The following NRG1 variants were observed in gnomAD, a reference collection of about 807,000 sequenced individuals.
NRG1 encodes the protein pro-neuregulin-1, membrane-bound isoform.
NRG1 carries 18 observed loss-of-function variants against 63.8 expected under a neutral mutation model. The observed-to-expected ratio is 0.28, with a 90% CI of 0.19 to 0.42. The LOEUF is 0.42. Ranked by LOEUF, NRG1 falls within the 10% of genes least tolerant of loss-of-function variation. The probability of loss-of-function intolerance (pLI) is 1.00; values close to 1 mark genes in which losing one functional copy is unlikely to be tolerated. For missense variants in NRG1, 762 were observed against 814.7 expected (o/e 0.94, Z 0.79); for synonymous variants, 302 against 301.3 (o/e 1.00, Z -0.02).
intron 1 of NRG1, among the ~76,000 whole-genome samples, chr8:32,559,237 C>G (rs1458027296): frequency 3.2e-5 from 1 of 31,502 alleles, no homozygotes; most frequent in Non-Finnish European, 7.4e-5. Context: ...TCATCTCACT[C>G]TAAAATGTAA....
chr8:32,021,218 T>C (rs901651750), intron 1 of NRG1, among the ~76,000 whole-genome samples: 1 of 152,162 alleles, frequency 6.6e-6, no homozygotes, highest in African/African-American at 2.4e-5. Flanking sequence ...ACTGAGTAAT[T>C]TGTAAGAAAA....
chr8:32,079,859 G>A (rs1292004085), intron 1 of NRG1, among the ~76,000 whole-genome samples: 1 of 152,046 alleles, frequency 6.6e-6, no homozygotes, highest in Non-Finnish European at 1.5e-5. Flanking sequence ...TGTGTCTGTG[G>A]TCATTCTTAA....
intron 1 of NRG1, among the ~76,000 whole-genome samples, chr8:31,715,643 T>A (rs1239279084): frequency 1.3e-5 from 2 of 152,216 alleles, no homozygotes; most frequent in Non-Finnish European, 2.9e-5. Context: ...ATCATTATTA[T>A]AACCAGTTGG....
intron 1 of NRG1, among the ~76,000 whole-genome samples, chr8:31,884,429 G>T (rs1830570044): frequency 6.6e-6 from 1 of 152,028 alleles, no homozygotes; most frequent in African/African-American, 2.4e-5. Flanking sequence ...GGGTCAACTG[G>T]CCATGCAGCC....
intron 1 of NRG1, among the ~76,000 whole-genome samples, chr8:31,958,884 A>G (rs1038407010): frequency 2.0e-5 from 3 of 152,146 alleles, no homozygotes; most frequent in Non-Finnish European, 4.4e-5. Context: ...TGGATTTGTC[A>G]TGATTGTGAG....
intron 1 of NRG1, among the ~76,000 whole-genome samples, chr8:32,450,657 C>A (rs1258463895): frequency 6.6e-6 from 1 of 152,064 alleles, no homozygotes; most frequent in African/African-American, 2.4e-5. Flanking sequence ...CTCAAATGAT[C>A]CTCCTGCTTC....
chr8:32,136,636 A>G (rs1835565310), intron 1 of NRG1: 1 of 152,144 alleles, frequency 6.6e-6, no homozygotes, highest in Non-Finnish European at 1.5e-5. Context: ...TTTAATAAGA[A>G]TGCCTTAACA....
chr8:32,758,639 G>T (rs1589630667), intron 9 of NRG1, among the ~76,000 whole-genome samples: 1 of 140,996 alleles, frequency 7.1e-6, no homozygotes, highest in African/African-American at 2.7e-5. Flanking sequence ...AGAGAGAAAA[G>T]TAGAATCTAC....
At chr8:31,796,376 A>G (rs1821212834) in intron 1 of NRG1, among the ~76,000 whole-genome samples, 2 of 128,434 alleles carry the variant, frequency 1.6e-5, no homozygotes, top group South Asian at 5.3e-4. Flanking sequence ...TTTTCTTTTG[A>G]TATCAGCAAC....
rs369425806 is a variant in NRG1, at chr8:32,211,657, A to G, written c.38-384171A>G. 3.3e-5 allele frequency among the ~76,000 whole-genome samples: 5 copies of G among 152,174 alleles called. No individual in the cohort carries two copies. The East Asian group carries it at 9.6e-4, about 29-fold the overall frequency. On this transcript the variant is annotated intron_variant, in intron 1 of 10. Transcript: ENST00000519301. ...TCTGTGATTACCAGTGAACTTGAAC[A>G]TCTTTCCATATTTTTATTTATGTTT...
At chr8:31,701,836 C>A (rs534334208) in intron 1 of NRG1, among the ~76,000 whole-genome samples, 1 of 152,144 alleles carries the variant, frequency 6.6e-6, no homozygotes, top group Non-Finnish European at 1.5e-5. Context: ...AATGTGCATG[C>A]AAATCACCTG....
rs565607645 is a variant in NRG1 at position 32,602,847 on chromosome 8, G to A, written c.279-2715G>A. Reference sequence around the variant, plus strand: ...GTCATGAAGGAAACTTGTCATATATGATCAAAGTAGATATATAGCTGATAA... The same window carrying A: ...GTCATGAAGGAAACTTGTCATATATAATCAAAGTAGATATATAGCTGATAA... On this transcript the variant is annotated intron_variant, in intron 2 of 11. Coordinates refer to ENST00000356819, the Ensembl canonical transcript of NRG1. Among the ~76,000 whole-genome samples, 913 of 152,064 alleles carry A rather than the reference G, an allele frequency of 6.0e-3. 7 individuals are homozygous for A. Among genetic ancestry groups the A allele is most frequent in the Non-Finnish European group, 9.1e-3 (617 of 67,976 alleles).
At chr8:31,872,348 T>C (rs1180542053) in intron 1 of NRG1, among the ~76,000 whole-genome samples, 1 of 152,222 alleles carries the variant, frequency 6.6e-6, no homozygotes, top group Non-Finnish European at 1.5e-5. Flanking sequence ...AAATTCCTTC[T>C]TTCTTGTTCC....
chr8:32,627,118 T>C (rs1242541929), intron 5 of NRG1, among the ~76,000 whole-genome samples: 1 of 152,078 alleles, frequency 6.6e-6, no homozygotes, highest in Non-Finnish European at 1.5e-5. Flanking sequence ...TAGCAAATTG[T>C]TGTTTCTACT....
chr8:32,352,632 G>A (rs1397674568), intron 1 of NRG1, among the ~76,000 whole-genome samples: 2 of 152,030 alleles, frequency 1.3e-5, no homozygotes, highest in Non-Finnish European at 2.9e-5. Flanking sequence ...TGTACTCCCA[G>A]CACTTTGGGA....
At chr8:32,157,556 G>C (rs1332224973) in intron 1 of NRG1, among the ~76,000 whole-genome samples, 1 of 151,702 alleles carries the variant, frequency 6.6e-6, no homozygotes, top group East Asian at 1.9e-4. Context: ...CTACTCGGTA[G>C]GCTGAGGCAG....
intron 1 of NRG1, among the ~76,000 whole-genome samples, chr8:32,165,572 C>T (rs1042302397): frequency 1.3e-5 from 2 of 152,086 alleles, no homozygotes; most frequent in African/African-American, 2.4e-5. Flanking sequence ...AATAGAGAAA[C>T]AAGACTGTTA....
At chr8:32,265,437 T>A (rs1423762478) in intron 1 of NRG1, among the ~76,000 whole-genome samples, 1 of 152,162 alleles carries the variant, frequency 6.6e-6, no homozygotes, top group Non-Finnish European at 1.5e-5. Context: ...AGTGACCTTT[T>A]TAAATAAAAA....
At chr8:32,033,091 A>ATTTTTTTTTT (rs898802902) in intron 1 of NRG1, among the ~76,000 whole-genome samples, 1 of 111,610 alleles carries the variant, frequency 9.0e-6, no homozygotes. Flanking sequence ...TGTGCAGTCT[A>ATTTTTTTTTT]TTTTTTTTTT....
Sources: gnomAD v4.1 joint callset for allele counts (sites outside exome capture counted in the v4.1 genomes callset) on GRCh38, gnomAD v4.1.1 for gene constraint, MANE v1.5 for transcripts, NCBI Gene and HGNC (gene_info 2026-07-23, HGNC 2026-07-21) for gene names.